Variants in PPFIA2 observed in about 807,000 individuals in gnomAD.
The protein encoded by PPFIA2 is liprin-alpha-2.
A neutral mutation model predicts 175.5 loss-of-function variants in PPFIA2; 46 were observed. That is an observed-to-expected ratio of 0.26 (90% CI 0.21 to 0.34). PPFIA2 has a LOEUF of 0.34. Ranked by LOEUF, PPFIA2 falls within the 10% of genes least tolerant of loss-of-function variation. The pLI, the probability that PPFIA2 is intolerant of heterozygous loss-of-function variation, is 1.00. For missense variants in PPFIA2, 1,179 were observed against 1,506.1 expected (o/e 0.78, Z 3.60); for synonymous variants, 568 against 511.4 (o/e 1.11, Z -1.49).
Position 81,347,520 on chromosome 12 carries a change from C to A in PPFIA2, c.2232+13G>T, listed in dbSNP as rs1287433755. 1 of 1,576,082 alleles carries A rather than the reference C, an allele frequency of 6.3e-7. No homozygotes were observed. The highest frequency in any genetic ancestry group is 1.7e-5 in the Admixed American group (1 of 59,962). On this transcript the variant is annotated intron_variant, in intron 18 of 32. Coordinates refer to ENST00000549396, the MANE Select transcript of PPFIA2 (RefSeq NM_003625.5). ...TAACAGGAGGCAAAGGTTCTCTGGA[C>A]ACATCACCATACCAGTGTCATGACT...
chr12:81,515,647 T>C (rs1039421080), intron 4 of PPFIA2, among the ~76,000 whole-genome samples: 3 of 152,050 alleles, frequency 2.0e-5, no homozygotes, highest in South Asian at 2.1e-4. Flanking sequence ...ATCTGGATGT[T>C]TTAAAGTCAA....
chr12:81,527,254 C>G (rs927590569), intron 4 of PPFIA2, among the ~76,000 whole-genome samples: 1 of 152,028 alleles, frequency 6.6e-6, no homozygotes, highest in East Asian at 1.9e-4. Flanking sequence ...TTTCCTGAAC[C>G]ATTCCCACCA....
intron 4 of PPFIA2, among the ~76,000 whole-genome samples, chr12:81,503,974 G>A (rs2060865709): frequency 6.6e-6 from 1 of 151,834 alleles, no homozygotes; most frequent in Non-Finnish European, 1.5e-5. Flanking sequence ...AATTTAATTT[G>A]AGCAAAACAA....
At chr12:81,605,045 A>G (rs1203603275) in intron 4 of PPFIA2, among the ~76,000 whole-genome samples, 4 of 151,820 alleles carry the variant, frequency 2.6e-5, no homozygotes, top group African/African-American at 9.7e-5. Context: ...GTGTTAATCA[A>G]TGTTCCAAAA....
intron 4 of PPFIA2, among the ~76,000 whole-genome samples, chr12:81,600,864 T>C (rs552230474): frequency 6.6e-6 from 1 of 152,050 alleles, no homozygotes; most frequent in African/African-American, 2.4e-5. Context: ...ACCATGCAAA[T>C]ATAAACTCCA....
chr12:81,457,130 C>G (rs569292900), intron 5 of PPFIA2, among the ~76,000 whole-genome samples: 1 of 151,778 alleles, frequency 6.6e-6, no homozygotes, highest in East Asian at 1.9e-4. Flanking sequence ...ACTGCAGGTG[C>G]GTGCCACCAA....
chr12:81,302,611 T>C lies in PPFIA2; in HGVS notation c.2643-3229A>G, dbSNP rs1366848156. On this transcript the variant is annotated intron_variant, in intron 22 of 32. Transcript: ENST00000549396. The stretch of plus-strand genomic sequence containing the variant: ...CTTAGGGCTGACATACTTGAGACTG[T>C]GGAAAAACGGATCAGATGGGAGGGA... 9.3e-6 allele frequency: 4 copies of C among 431,042 alleles called. No homozygotes were observed. The East Asian group carries it at 2.1e-4, about 23-fold the overall frequency. 26.7% of individuals were successfully genotyped at this position (431,042 alleles called of 1,614,324 possible).
chr12:81,556,352 G>A (rs1409033704), intron 4 of PPFIA2, among the ~76,000 whole-genome samples: 2 of 151,658 alleles, frequency 1.3e-5, no homozygotes, highest in Non-Finnish European at 3.0e-5. Context: ...AATGCAAATG[G>A]GTTTATTGGG....
chr12:81,663,655 C>A (rs1366873696), intron 4 of PPFIA2, among the ~76,000 whole-genome samples: 3 of 152,128 alleles, frequency 2.0e-5, no homozygotes, highest in Non-Finnish European at 4.4e-5. Context: ...ATCAAGCTAC[C>A]AATGACTTTC....
chr12:81,434,769 A>G (rs1417709455), intron 7 of PPFIA2, among the ~76,000 whole-genome samples: 1 of 152,094 alleles, frequency 6.6e-6, no homozygotes, highest in South Asian at 2.1e-4. Flanking sequence ...TCTAGTATTG[A>G]TGTCATTATG....
At chr12:81,361,815 T>A (rs909214659) in intron 15 of PPFIA2, among the ~76,000 whole-genome samples, 1 of 151,614 alleles carries the variant, frequency 6.6e-6, no homozygotes, top group Admixed American at 6.6e-5. Context: ...GAACTTCTAC[T>A]AAAAGCCTAT....
At chr12:81,395,790 T>G (rs978111786) in intron 8 of PPFIA2, among the ~76,000 whole-genome samples, 3 of 152,014 alleles carry the variant, frequency 2.0e-5, no homozygotes, top group African/African-American at 7.2e-5. Context: ...TCCTGCACAG[T>G]CTTTCCCCTT....
At chr12:81,330,059 C>T (rs2055779683) in intron 21 of PPFIA2, among the ~76,000 whole-genome samples, 1 of 152,104 alleles carries the variant, frequency 6.6e-6, no homozygotes, top group Non-Finnish European at 1.5e-5. Context: ...TTGGAGGTAT[C>T]TATTCATTTG....
In PPFIA2 at chr12:81,521,232, T is replaced by C. The variant is rs564443412; in HGVS notation, c.304-63366A>G. ...AAAAAAAAAAAGTGCGGTGTAAAGA[T>C]CGCTACCAAAAGATCAAGGTGAGTT... is the stretch of plus-strand genomic sequence containing the variant. On this transcript the variant is annotated intron_variant, in intron 4 of 32. Coordinates refer to ENST00000549396, the MANE Select transcript of PPFIA2 (RefSeq NM_003625.5). Among the ~76,000 whole-genome samples the C allele has an allele frequency of 1.6e-4, 24 of 151,496 alleles. No homozygotes were observed. The South Asian group carries it at 1.9e-3, about 12-fold the overall frequency.
At chr12:81,561,517 C>CA (rs532128488) in intron 4 of PPFIA2, among the ~76,000 whole-genome samples, 3 of 151,352 alleles carry the variant, frequency 2.0e-5, no homozygotes, top group Non-Finnish European at 4.4e-5. Flanking sequence ...AGTCCCCCCC[C>CA]AAAAAAAACG....
intron 4 of PPFIA2, chr12:81,535,642 TACAC>T: frequency 3.1e-6 from 1 of 319,630 alleles, no homozygotes; most frequent in Non-Finnish European, 6.2e-6. Flanking sequence ...AACACACACA[TACAC>T]ACACACACAC....
intron 4 of PPFIA2, among the ~76,000 whole-genome samples, chr12:81,615,673 T>C (rs1201572957): frequency 6.6e-6 from 1 of 152,134 alleles, no homozygotes; most frequent in African/African-American, 2.4e-5. Flanking sequence ...AATCTGGCTT[T>C]ATTGGAGGGT....
chr12:81,725,480 C>T (rs2079945247), intron 3 of PPFIA2, among the ~76,000 whole-genome samples: 1 of 150,758 alleles, frequency 6.6e-6, no homozygotes, highest in Non-Finnish European at 1.5e-5. Flanking sequence ...TATTAATACA[C>T]TGCCTATCCG....
At chr12:81,699,364 G>C (rs1048114947) in intron 3 of PPFIA2, among the ~76,000 whole-genome samples, 3 of 151,670 alleles carry the variant, frequency 2.0e-5, no homozygotes, top group African/African-American at 7.3e-5. Context: ...AAATTTTCAT[G>C]ATTTCAATAT....
Sources: gnomAD v4.1 joint callset for allele counts (sites outside exome capture counted in the v4.1 genomes callset) on GRCh38, gnomAD v4.1.1 for gene constraint, MANE v1.5 for transcripts, NCBI Gene and HGNC (gene_info 2026-07-23, HGNC 2026-07-21) for gene names.